NRG3: variants seen among roughly 807,000 people sequenced by gnomAD.
The protein encoded by NRG3 is pro-neuregulin-3, membrane-bound isoform.
A neutral mutation model predicts 66.9 loss-of-function variants in NRG3; 31 were observed. The observed-to-expected ratio is 0.46, with a 90% CI of 0.35 to 0.63. The LOEUF (loss-of-function observed/expected upper bound fraction) is 0.63, where lower values mean the gene tolerates loss of function less well. NRG3 is among the 20% of genes least tolerant of loss of function. NRG3 has a pLI of 0.00. For missense variants in NRG3, 910 were observed against 878.9 expected, an observed-to-expected ratio of 1.04 and a Z score of -0.45; for synonymous variants, 393 against 359.4, an observed-to-expected ratio of 1.09 and a Z score of -1.06.
At chr10:81,945,798 A>G (rs1332514713) in intron 1 of NRG3, among the ~76,000 whole-genome samples, 1 of 152,152 alleles carries the variant, frequency 6.6e-6, no homozygotes, top group African/African-American at 2.4e-5. Flanking sequence ...CGCTATTTCA[A>G]CATGACTGGT....
rs1039799836 is a variant in NRG3 at position 81,982,303 on chromosome 10, A to G, written c.823+106140A>G. 3.3e-5 allele frequency among the ~76,000 whole-genome samples: 5 copies of G among 152,150 alleles called. No individual in the cohort carries two copies. The East Asian group carries it at 9.7e-4, about 29-fold the overall frequency. ...CTCTAGTGTCAAAAAATATATTTCT[A>G]ATTTTCACCTGAGGCCACAACAGAA... is the stretch of plus-strand genomic sequence containing the variant. On this transcript the variant is annotated intron_variant, in intron 1 of 8. Transcript: ENST00000372141.
chr10:82,054,274 A>G (rs2063732228), intron 1 of NRG3, among the ~76,000 whole-genome samples: 1 of 152,182 alleles, frequency 6.6e-6, no homozygotes, highest in African/African-American at 2.4e-5. Flanking sequence ...GAGGTGAGAA[A>G]TGATGACAGC....
At chr10:81,904,057 T>A (rs1844355642) in intron 1 of NRG3, among the ~76,000 whole-genome samples, 2 of 151,552 alleles carry the variant, frequency 1.3e-5, no homozygotes, top group Admixed American at 6.6e-5. Context: ...TCACCCAGGC[T>A]GGAGTGCAAT....
intron 4 of NRG3, among the ~76,000 whole-genome samples, chr10:82,921,627 A>C (rs556780060): frequency 2.6e-5 from 4 of 152,198 alleles, no homozygotes; most frequent in Non-Finnish European, 5.9e-5. Context: ...AAATAGAATA[A>C]AGAGAAAACA....
At chr10:82,983,367 C>A (rs1363368548) in intron 8 of NRG3, among the ~76,000 whole-genome samples, 2 of 152,156 alleles carry the variant, frequency 1.3e-5, no homozygotes, top group African/African-American at 4.8e-5. Context: ...ATTTTAGGCT[C>A]ATATTTCTCA....
intron 5 of NRG3, among the ~76,000 whole-genome samples, chr10:82,956,675 G>A (rs1177653827): frequency 6.6e-6 from 1 of 151,962 alleles, no homozygotes; most frequent in Non-Finnish European, 1.5e-5. Flanking sequence ...TCCCATGAGA[G>A]TAATGGAATC....
chr10:82,866,124 T>G (rs901352627), intron 4 of NRG3, among the ~76,000 whole-genome samples: 5 of 152,128 alleles, frequency 3.3e-5, no homozygotes, highest in African/African-American at 1.2e-4. Flanking sequence ...TTTCATAAAG[T>G]TCAATATGCA....
intron 2 of NRG3, among the ~76,000 whole-genome samples, chr10:82,375,821 CAG>C (rs2135786114): frequency 6.6e-6 from 1 of 152,234 alleles, no homozygotes; most frequent in African/African-American, 2.4e-5. Flanking sequence ...GGTGAAGAAA[CAG>C]GGTGATCCGT....
intron 1 of NRG3, among the ~76,000 whole-genome samples, chr10:81,927,787 TGA>T (rs1846950379): frequency 6.6e-6 from 1 of 151,996 alleles, no homozygotes; most frequent in Non-Finnish European, 1.5e-5. Context: ...AAAGTAAACT[TGA>T]AAAGGGAGTT....
intron 2 of NRG3, among the ~76,000 whole-genome samples, chr10:82,730,567 T>G (rs2057850569): frequency 6.6e-6 from 1 of 152,190 alleles, no homozygotes; most frequent in African/African-American, 2.4e-5. Flanking sequence ...AATAATCCCA[T>G]TTTAGATTCT....
At chr10:82,909,095 A>G (rs1422486565) in intron 4 of NRG3, among the ~76,000 whole-genome samples, 1 of 152,218 alleles carries the variant, frequency 6.6e-6, no homozygotes. Flanking sequence ...TGCCTTGCGT[A>G]GAAAGACTTA....
intron 1 of NRG3, among the ~76,000 whole-genome samples, chr10:82,120,926 T>C (rs1232936229): frequency 6.6e-6 from 1 of 152,134 alleles, no homozygotes; most frequent in Non-Finnish European, 1.5e-5. Context: ...TGTTTCTTCT[T>C]CTTCTTCCCT....
At chr10:82,749,472 C>G (rs1220350555) in intron 3 of NRG3, among the ~76,000 whole-genome samples, 1 of 152,144 alleles carries the variant, frequency 6.6e-6, no homozygotes, top group Non-Finnish European at 1.5e-5. Context: ...TCCATGTGAG[C>G]AATCTTAGTA....
At chr10:82,074,872 T>C (rs913233969) in intron 1 of NRG3, among the ~76,000 whole-genome samples, 5 of 152,148 alleles carry the variant, frequency 3.3e-5, no homozygotes, top group Admixed American at 1.3e-4. Context: ...TTTAAAATGT[T>C]CATAAATTCA....
chr10:81,987,230 G>A (rs906568885), intron 1 of NRG3, among the ~76,000 whole-genome samples: 1 of 151,940 alleles, frequency 6.6e-6, no homozygotes, highest in Non-Finnish European at 1.5e-5. Context: ...GACTACAGGC[G>A]CACGCCACCA....
At chr10:82,573,014 T>A (rs148052597) in intron 2 of NRG3, among the ~76,000 whole-genome samples, 19 of 151,920 alleles carry the variant, frequency 1.3e-4, no homozygotes, top group African/African-American at 4.3e-4. Context: ...CATTCACGAA[T>A]GCATTAAAGA....
chr10:82,373,571 C>G (rs1211074014), intron 2 of NRG3, among the ~76,000 whole-genome samples: 1 of 152,172 alleles, frequency 6.6e-6, no homozygotes, highest in Non-Finnish European at 1.5e-5. Flanking sequence ...GGTAGCTCCA[C>G]TGCTGGAGGA....
rs77396161 is a variant in NRG3 at position 82,379,565 on chromosome 10, G to A, written c.953+20697G>A. On this transcript the variant is annotated intron_variant, in intron 2 of 8. Transcript: ENST00000372141. ...AGGATTAAATGAATTGATATATGCG[G>A]TGCATAGGCTATAAAGTGTTTAAAC... is the stretch of plus-strand genomic sequence containing the variant. 9.2e-3 allele frequency among the ~76,000 whole-genome samples: 1,404 copies of A among 152,176 alleles called. 60 individuals carry two copies. The East Asian group carries it at 0.1, about 11-fold the overall frequency.
At chr10:82,621,506 AT>A (rs1201047870) in intron 2 of NRG3, among the ~76,000 whole-genome samples, 1 of 152,244 alleles carries the variant, frequency 6.6e-6, no homozygotes, top group Non-Finnish European at 1.5e-5. Flanking sequence ...GTGAAGTAGA[AT>A]AAGCAGTGCG....
Sources: allele counts gnomAD v4.1 joint callset (sites outside exome capture counted in the v4.1 genomes callset), GRCh38; gene constraint gnomAD v4.1.1; transcripts MANE v1.5; gene names NCBI Gene and HGNC (gene_info 2026-07-23, HGNC 2026-07-21).